Variants in UMAD1 observed in about 807,000 individuals in gnomAD.
The protein encoded by UMAD1 is UBAP1-MVB12-associated (UMA)-domain containing protein 1.
A neutral mutation model predicts 6.1 loss-of-function variants in UMAD1; 8 were observed. The observed-to-expected ratio is 1.30, with a 90% CI of 0.76 to 2.35. UMAD1 has a LOEUF of 2.35. Among genes scored for constraint, UMAD1 ranks in the 30% most tolerant of loss-of-function variants. The pLI, the probability that UMAD1 is intolerant of heterozygous loss-of-function variation, is 0.00. For synonymous variants in UMAD1, 56 were observed against 31.4 expected (o/e 1.78, Z -2.61); for missense variants, 130 against 78.4 (o/e 1.66, Z -2.49).
intron 3 of UMAD1, among the ~76,000 whole-genome samples, chr7:7,803,200 G>A (rs1016208619): frequency 1.3e-5 from 2 of 152,244 alleles, no homozygotes; most frequent in Admixed American, 6.5e-5. Context: ...GTGAGGCTGG[G>A]CGTAGTGGCC....
chr7:7,647,328 G>C (rs1483599858), intron 1 of UMAD1, among the ~76,000 whole-genome samples: 3 of 152,074 alleles, frequency 2.0e-5, no homozygotes, highest in Non-Finnish European at 2.9e-5. Flanking sequence ...ATAATCTGAG[G>C]GTATGGTTTG....
In UMAD1 at chr7:7,877,701, C is replaced by G. The variant is rs572099794; in HGVS notation, c.*163C>G. ...CTACTCTATTTTTAAGAAAAAGGTA[C>G]ATTTGTATACAAATTGAACTTAAGT... On this transcript the variant is annotated 3_prime_UTR_variant, in exon 4 of 4. Transcript: ENST00000682710. 2 of 578,050 alleles carry G rather than the reference C, an allele frequency of 3.5e-6. No individual in the cohort carries two copies. The highest frequency in any genetic ancestry group is 5.6e-5 in the East Asian group (2 of 35,596). The allele number at this position is 578,050 out of a possible 1,614,324, so 35.8% of individuals were successfully genotyped here.
At chr7:7,748,762 T>C (rs1029403931) in intron 2 of UMAD1, among the ~76,000 whole-genome samples, 1 of 151,742 alleles carries the variant, frequency 6.6e-6, no homozygotes, top group Non-Finnish European at 1.5e-5. Context: ...TATTTATATA[T>C]TTGTATATAT....
At chr7:7,859,654 G>A (rs1433791045) in intron 3 of UMAD1, among the ~76,000 whole-genome samples, 2 of 152,306 alleles carry the variant, frequency 1.3e-5, no homozygotes, top group African/African-American at 2.4e-5. Context: ...CACGGTTTAG[G>A]TAGAGGCAGG....
At chr7:7,793,549 G>C (rs1325856816) in intron 2 of UMAD1, among the ~76,000 whole-genome samples, 3 of 152,106 alleles carry the variant, frequency 2.0e-5, no homozygotes, top group Non-Finnish European at 4.4e-5. Flanking sequence ...AAGTACTGGG[G>C]CTTTCTCCTG....
chr7:7,758,205 G>A (rs1399961183), intron 2 of UMAD1, among the ~76,000 whole-genome samples: 1 of 152,008 alleles, frequency 6.6e-6, no homozygotes, highest in Non-Finnish European at 1.5e-5. Context: ...CACCGCGTTT[G>A]GCCTTGGCTG....
chr7:7,834,288 G>A (rs967974917), intron 3 of UMAD1, among the ~76,000 whole-genome samples: 1 of 152,008 alleles, frequency 6.6e-6, no homozygotes, highest in South Asian at 2.1e-4. Context: ...CTCCCAAAGT[G>A]CTGAGATTAT....
At chr7:7,773,689 T>A (rs1782144826) in intron 2 of UMAD1, among the ~76,000 whole-genome samples, 1 of 152,216 alleles carries the variant, frequency 6.6e-6, no homozygotes, top group Admixed American at 6.5e-5. Context: ...AACCAAACTT[T>A]TCATCCTAAG....
At chr7:7,792,636 A>G (rs1316168282) in intron 2 of UMAD1, among the ~76,000 whole-genome samples, 2 of 152,190 alleles carry the variant, frequency 1.3e-5, no homozygotes, top group Non-Finnish European at 2.9e-5. Flanking sequence ...CTACCTCACA[A>G]TGCTGCCAGA....
intron 2 of UMAD1, among the ~76,000 whole-genome samples, chr7:7,793,951 AT>A (rs1247034896): frequency 6.6e-6 from 1 of 151,816 alleles, no homozygotes. Context: ...TCGAAAAAAA[AT>A]TTTTTTTTAA....
rs1453560979 is a variant in UMAD1 at position 7,830,463 on chromosome 7, G to A, written c.156+28720G>A. On this transcript the variant is annotated intron_variant, in intron 3 of 3. Transcript: ENST00000682710. The surrounding 1 kb of genome is among the most constrained non-coding windows in gnomAD (Gnocchi z 5.3). ...ACCTCTATTAGGTAAAAAATTATAT[G>A]TTTTGGTTTCTCTCTTTTGTATCTT... is the stretch of plus-strand genomic sequence containing the variant. Among the ~76,000 whole-genome samples the A allele has an allele frequency of 6.6e-6, 1 of 151,892 alleles. No individual in the cohort carries two copies. Among genetic ancestry groups the A allele is most frequent in the African/African-American group, 2.4e-5 (1 of 41,330 alleles).
chr7:7,739,340 G>T (rs767999254), intron 2 of UMAD1, among the ~76,000 whole-genome samples: 27 of 152,160 alleles, frequency 1.8e-4, no homozygotes, highest in Non-Finnish European at 3.7e-4. Context: ...TTTTTAGTAA[G>T]TTACTGTAGC....
intron 1 of UMAD1, among the ~76,000 whole-genome samples, chr7:7,671,019 G>A (rs1217458105): frequency 6.6e-6 from 1 of 152,124 alleles, no homozygotes; most frequent in African/African-American, 2.4e-5. Flanking sequence ...AACGGAAATG[G>A]GCACTGGGCC....
chr7:7,654,128 A>G (rs981657502), intron 1 of UMAD1, among the ~76,000 whole-genome samples: 1 of 152,240 alleles, frequency 6.6e-6, no homozygotes, highest in African/African-American at 2.4e-5. Context: ...CCATAGGACC[A>G]TAGGGCATTC....
At chr7:7,779,653 A>G (rs897206776) in intron 2 of UMAD1, among the ~76,000 whole-genome samples, 1 of 150,608 alleles carries the variant, frequency 6.6e-6, no homozygotes, top group African/African-American at 2.4e-5. Context: ...TACTTTATTT[A>G]TTTATTTTTG....
intron 2 of UMAD1, among the ~76,000 whole-genome samples, chr7:7,794,944 A>G (rs1257809051): frequency 1.3e-5 from 2 of 152,180 alleles, no homozygotes; most frequent in African/African-American, 4.8e-5. Context: ...GGCTTCCACA[A>G]TGCCCTTTTT....
chr7:7,659,806 G>A (rs980673504), intron 1 of UMAD1, among the ~76,000 whole-genome samples: 1 of 152,140 alleles, frequency 6.6e-6, no homozygotes, highest in Non-Finnish European at 1.5e-5. Context: ...TTCTGTAGAT[G>A]TTTATTAGGT....
At chr7:7,820,787 G>A (rs1783227010) in intron 3 of UMAD1, among the ~76,000 whole-genome samples, 1 of 152,018 alleles carries the variant, frequency 6.6e-6, no homozygotes, top group African/African-American at 2.4e-5. Flanking sequence ...TTAGTCATAA[G>A]CCAGTTTGGA....
chr7:7,735,016 G>C (rs1279857406), intron 2 of UMAD1, among the ~76,000 whole-genome samples: 1 of 151,926 alleles, frequency 6.6e-6, no homozygotes, highest in Admixed American at 6.5e-5. Context: ...TGTGAACAGG[G>C]TATTATTTTA....
Sources: gnomAD v4.1 joint callset for allele counts (sites outside exome capture counted in the v4.1 genomes callset) on GRCh38, gnomAD v4.1.1 for gene constraint, Gnocchi (gnomAD v3.1) non-coding constraint, MANE v1.5 for transcripts, NCBI Gene and HGNC (gene_info 2026-07-23, HGNC 2026-07-21) for gene names.